The following RABEP1 variants were observed in gnomAD, a reference collection of about 807,000 sequenced individuals.
RABEP1 encodes rab GTPase-binding effector protein 1.
Under a neutral mutation model 123.4 loss-of-function variants are expected in RABEP1, and 51 were observed. The ratio of observed to expected loss-of-function variants is 0.41; its 90% CI spans 0.33 to 0.52. RABEP1 has a LOEUF of 0.52. Ranked by LOEUF, RABEP1 falls within the 20% of genes least tolerant of loss-of-function variation. RABEP1 has a pLI of 0.16. For missense variants in RABEP1, 888 were observed against 996.3 expected, an observed-to-expected ratio of 0.89 and a Z score of 1.46; for synonymous variants, 347 against 355.2, an observed-to-expected ratio of 0.98 and a Z score of 0.26.
intron 8 of RABEP1, chr17:5,356,452 T>G (rs1909024341): frequency 6.1e-6 from 1 of 163,306 alleles, no homozygotes; most frequent in East Asian, 1.3e-4. Flanking sequence ...ACCTGATGCT[T>G]ATAATATGCT....
At chr17:5,372,528 G>C (rs907291079) in intron 12 of RABEP1, among the ~76,000 whole-genome samples, 3 of 152,178 alleles carry the variant, frequency 2.0e-5, no homozygotes. Context: ...CAGTATCTGG[G>C]CCTGCTGGGC....
In RABEP1 at chr17:5,322,156, C is replaced by T. The variant is rs142266321; in HGVS notation, c.164-9793C>T. ...CGGAGGTTGCAGTGAGCTGAGATTG[C>T]GCCATTGCACTCCAGCCTGGGCAAC... is the stretch of plus-strand genomic sequence containing the variant. On this transcript the variant is annotated intron_variant, in intron 2 of 17. Transcript: ENST00000537505. 8.4e-3 allele frequency among the ~76,000 whole-genome samples: 1,279 copies of T among 151,406 alleles called. 19 individuals carry two copies. Among genetic ancestry groups the T allele is most frequent in the African/African-American group, 0.029 (1,199 of 41,278 alleles).
At chr17:5,311,541 A>C (rs966800071) in intron 2 of RABEP1, among the ~76,000 whole-genome samples, 1 of 151,914 alleles carries the variant, frequency 6.6e-6, no homozygotes, top group African/African-American at 2.4e-5. Context: ...CAAAAAAAAT[A>C]CAAAAATTAG....
intron 1 of RABEP1, among the ~76,000 whole-genome samples, chr17:5,305,203 AAAG>A (rs1209150191): frequency 6.7e-6 from 1 of 149,200 alleles, no homozygotes; most frequent in Admixed American, 6.6e-5. Flanking sequence ...ATTCTTGTAA[AAAG>A]CAGTTTTTTT....
intron 1 of RABEP1, among the ~76,000 whole-genome samples, chr17:5,308,082 AAAATT>A (rs1384362222): frequency 2.0e-5 from 3 of 152,198 alleles, no homozygotes; most frequent in Admixed American, 2.0e-4. Flanking sequence ...TAACAGTTCT[AAAATT>A]AAATTGCTAT....
chr17:5,371,003 G>A (rs1910483463), intron 12 of RABEP1, among the ~76,000 whole-genome samples: 1 of 149,712 alleles, frequency 6.7e-6, no homozygotes, highest in South Asian at 2.1e-4. Flanking sequence ...GTCTTGCTCT[G>A]TCGCCCAGGT....
intron 1 of RABEP1, among the ~76,000 whole-genome samples, chr17:5,302,439 C>T (rs1173540958): frequency 6.6e-6 from 1 of 151,670 alleles, no homozygotes; most frequent in Non-Finnish European, 1.5e-5. Flanking sequence ...TAGGGTTTTG[C>T]CATATTAGCC....
At chr17:5,318,524 T>C (rs2075320639) in intron 2 of RABEP1, among the ~76,000 whole-genome samples, 1 of 152,106 alleles carries the variant, frequency 6.6e-6, no homozygotes, top group Non-Finnish European at 1.5e-5. Flanking sequence ...ATAAGAAAAT[T>C]ATGGAACAAC....
chr17:5,327,347 CAAA>C (rs772982752), intron 2 of RABEP1, among the ~76,000 whole-genome samples: 53 of 75,248 alleles, frequency 7.0e-4, no homozygotes, highest in Non-Finnish European at 9.9e-4. Context: ...GATTCTGTCT[CAAA>C]AAAAAAAAAA....
chr17:5,285,297 CTTTT>C (rs1177991770), intron 1 of RABEP1, among the ~76,000 whole-genome samples: 1 of 139,750 alleles, frequency 7.2e-6, no homozygotes. Flanking sequence ...CACTTTTTTT[CTTTT>C]TTTTTTTTTT....
chr17:5,299,550 T>C (rs192596094), intron 1 of RABEP1, among the ~76,000 whole-genome samples: 1 of 150,404 alleles, frequency 6.6e-6, no homozygotes, highest in Non-Finnish European at 1.5e-5. Flanking sequence ...AAGTGTGTTT[T>C]CAGTTAGTTT....
At chr17:5,355,426 C>A (rs1597379650) in intron 8 of RABEP1, among the ~76,000 whole-genome samples, 1 of 152,266 alleles carries the variant, frequency 6.6e-6, no homozygotes, top group Non-Finnish European at 1.5e-5. Context: ...AAACTAAGAT[C>A]CCCCAAGATC....
At chr17:5,286,365 G>A (rs1030928481) in intron 1 of RABEP1, among the ~76,000 whole-genome samples, 2 of 152,040 alleles carry the variant, frequency 1.3e-5, no homozygotes, top group African/African-American at 2.4e-5. Context: ...GTGGTGGTGC[G>A]CACCTGTAGT....
At chr17:5,329,818 C>CATATATATATATATATATATAT (rs61446536) in intron 2 of RABEP1, among the ~76,000 whole-genome samples, 19 of 143,108 alleles carry the variant, frequency 1.3e-4, no homozygotes, top group African/African-American at 4.6e-4. Flanking sequence ...TATATATGTT[C>CATATATATATATATATATATAT]ATATATATAT....
At chr17:5,327,486 A>G (rs1305750206) in intron 2 of RABEP1, among the ~76,000 whole-genome samples, 8 of 152,130 alleles carry the variant, frequency 5.3e-5, no homozygotes, top group Non-Finnish European at 8.8e-5. Flanking sequence ...CTATAATCTC[A>G]TGTAACCACT....
At chr17:5,383,024 C>A (rs1911624135) in intron 17 of RABEP1, 98 bp from the exon 18 acceptor site, 1 of 900,784 alleles carries the variant, frequency 1.1e-6, no homozygotes, top group Non-Finnish European at 1.9e-6. Flanking sequence ...GTGACTAGTA[C>A]TCTGGTGAGT....
At chr17:5,373,551 A>G in intron 13 of RABEP1, 97 bp downstream of exon 13, 3 of 1,314,432 alleles carry the variant, frequency 2.3e-6, no homozygotes, top group Non-Finnish European at 3.1e-6. Context: ...GATATAATTC[A>G]CGTGCCAATT....
intron 10 of RABEP1, among the ~76,000 whole-genome samples, chr17:5,363,726 A>G (rs990005031): frequency 2.6e-5 from 4 of 152,216 alleles, no homozygotes; most frequent in Non-Finnish European, 5.9e-5. Context: ...TATTAATCAG[A>G]ATTTGTGTCC....
chr17:5,343,408 G>A (rs2144629420), intron 5 of RABEP1, among the ~76,000 whole-genome samples: 1 of 152,098 alleles, frequency 6.6e-6, no homozygotes, highest in East Asian at 1.9e-4. Flanking sequence ...ACAAAAATTA[G>A]CCAGATGTGG....
Sources: gnomAD v4.1 joint callset for allele counts (sites outside exome capture counted in the v4.1 genomes callset) on GRCh38, gnomAD v4.1.1 for gene constraint, MANE v1.5 for transcripts, NCBI Gene and HGNC (gene_info 2026-07-23, HGNC 2026-07-21) for gene names.